The following DAPL1 variants were observed in gnomAD, a reference collection of about 807,000 sequenced individuals.
DAPL1 encodes death-associated protein-like 1.
Under a neutral mutation model 12.9 loss-of-function variants are expected in DAPL1, and 17 were observed. The ratio of observed to expected loss-of-function variants is 1.32; its 90% CI spans 0.90 to 1.98. The LOEUF is 1.98. Ranked by LOEUF, DAPL1 falls within the 30% of genes most tolerant of loss-of-function variation. DAPL1 has a pLI of 0.00. For synonymous variants in DAPL1, 51 were observed against 42.0 expected (o/e 1.21, Z -0.82); for missense variants, 157 against 125.7 (o/e 1.25, Z -1.19).
chr2:158,815,400 A>T (rs1340869655), intron 3 of DAPL1, among the ~76,000 whole-genome samples: 4 of 152,234 alleles, frequency 2.6e-5, no homozygotes, highest in Non-Finnish European at 5.9e-5. Flanking sequence ...TCATAGATGC[A>T]TACTAGTGCC....
At chr2:158,813,922 G>A (rs976762053) in intron 3 of DAPL1, among the ~76,000 whole-genome samples, 1 of 151,926 alleles carries the variant, frequency 6.6e-6, no homozygotes, top group African/African-American at 2.4e-5. Flanking sequence ...CAATCAACAT[G>A]TGGCTTTCTT....
At chr2:158,800,244 G>A (rs1399872555) in intron 1 of DAPL1, among the ~76,000 whole-genome samples, 1 of 151,948 alleles carries the variant, frequency 6.6e-6, no homozygotes, top group Non-Finnish European at 1.5e-5. Context: ...GTTCTCCTAA[G>A]GTATTCATGA....
chr2:158,797,653 G>T (rs528752976), intron 1 of DAPL1, among the ~76,000 whole-genome samples: 39 of 151,990 alleles, frequency 2.6e-4, no homozygotes, highest in Non-Finnish European at 4.4e-4. Flanking sequence ...TTAGCCGGGC[G>T]TGGGGCATGT....
chr2:158,802,923 G>A (rs992002502), intron 1 of DAPL1, among the ~76,000 whole-genome samples: 5 of 152,148 alleles, frequency 3.3e-5, no homozygotes, highest in African/African-American at 1.2e-4. Context: ...TCCAACATTA[G>A]GGAACTGGTT....
chr2:158,813,446 G>A (rs1194354652), intron 3 of DAPL1, among the ~76,000 whole-genome samples: 2 of 151,994 alleles, frequency 1.3e-5, no homozygotes, highest in African/African-American at 2.4e-5. Flanking sequence ...AAACGATGTA[G>A]CCTCTAAATT....
intron 3 of DAPL1, among the ~76,000 whole-genome samples, chr2:158,808,808 C>A (rs2059215199): frequency 6.6e-6 from 1 of 152,142 alleles, no homozygotes. Context: ...TAGACATGTT[C>A]CCCTAAAATA....
chr2:158,802,148 T>G (rs1287562153), intron 1 of DAPL1, among the ~76,000 whole-genome samples: 1 of 152,262 alleles, frequency 6.6e-6, no homozygotes, highest in Admixed American at 6.5e-5. Context: ...ACTGTCATCA[T>G]GGCTGGTGAG....
chr2:158,808,711 A>G (rs147403675), intron 3 of DAPL1, among the ~76,000 whole-genome samples: 1,642 of 152,218 alleles, frequency 0.011, 18 homozygotes, highest in Middle Eastern at 0.041. Context: ...GCCTGCTCCC[A>G]CATCTTATAT....
chr2:158,810,994 C>A, intron 3 of DAPL1, among the ~76,000 whole-genome samples: 1 of 152,128 alleles, frequency 6.6e-6, no homozygotes, highest in Admixed American at 6.6e-5. Context: ...ATGATACTGC[C>A]AAATATATTA....
At chr2:158,812,610 A>G (rs573865566) in intron 3 of DAPL1, among the ~76,000 whole-genome samples, 7 of 152,284 alleles carry the variant, frequency 4.6e-5, no homozygotes, top group African/African-American at 1.7e-4. Flanking sequence ...CCTGGGCAAC[A>G]TAGAAAGACC....
chr2:158,810,076 G>T (rs1367340354), intron 3 of DAPL1, among the ~76,000 whole-genome samples: 1 of 152,150 alleles, frequency 6.6e-6, no homozygotes, highest in Non-Finnish European at 1.5e-5. Context: ...GTATGTACTT[G>T]TCAAGACTCA....
In DAPL1 at chr2:158,814,620, G is replaced by T. The variant is rs552125065; in HGVS notation, c.208-1085G>T. ...CATTTCGTATGAAAGGGACTGCTGA[G>T]TGCCTAGGGCCTGGGCAGAGACATT... On this transcript the variant is annotated intron_variant, in intron 3 of 3. Coordinates refer to ENST00000309950, the MANE Select transcript of DAPL1 (RefSeq NM_001017920.3). Among the ~76,000 whole-genome samples, 3 of 152,322 alleles carry T rather than the reference G, an allele frequency of 2.0e-5. No individual in the cohort carries two copies. The East Asian group carries it at 5.8e-4, about 29-fold the overall frequency.
At chr2:158,800,756 C>A (rs1458759432) in intron 1 of DAPL1, among the ~76,000 whole-genome samples, 2 of 152,208 alleles carry the variant, frequency 1.3e-5, no homozygotes, top group African/African-American at 4.8e-5. Flanking sequence ...GCATGCCTGC[C>A]TTCACTCTGG....
chr2:158,800,431 T>G (rs2059160979), intron 1 of DAPL1, among the ~76,000 whole-genome samples: 3 of 152,142 alleles, frequency 2.0e-5, no homozygotes, highest in Admixed American at 1.3e-4. Flanking sequence ...AAAATAAATA[T>G]AAATAATAAT....
At chr2:158,804,476 C>A (rs2059188660) in intron 2 of DAPL1, 107 bp downstream of exon 2, 6 of 726,420 alleles carry the variant, frequency 8.3e-6, no homozygotes, top group South Asian at 4.8e-5. Context: ...TGGAGGCAGC[C>A]AGAGAAGGGG....
chr2:158,807,442 TGGA>T (rs2059208896), intron 3 of DAPL1, among the ~76,000 whole-genome samples: 1 of 152,196 alleles, frequency 6.6e-6, no homozygotes, highest in South Asian at 2.1e-4. Flanking sequence ...AGGCAGCCTG[TGGA>T]GTGGGGCTTC....
chr2:158,804,999 C>T (rs11679019), intron 2 of DAPL1, among the ~76,000 whole-genome samples: 31,208 of 152,088 alleles, frequency 0.21, 4,254 homozygotes, highest in Non-Finnish European at 0.31. Context: ...GTAAGGAAAA[C>T]CAGAGCATTC....
At position 158,804,359 on chromosome 2, in the gene DAPL1, G is replaced by A. The variant is rs374568975; in HGVS notation, c.136G>A (p.Glu46Lys). 1.9e-4 allele frequency: 301 copies of A among 1,608,182 alleles called. No individual in the cohort carries two copies. Among genetic ancestry groups the A allele is most frequent in the Non-Finnish European group, 2.4e-4 (288 of 1,176,696 alleles). The stretch of plus-strand genomic sequence containing the variant: ...AAGACATACCAAAAAAACAGGATTC[G>A]AGAAAACAAGGTAGGGACTCTTAAT... The part of the protein sequence containing the change: ...LERHTKKTGF[E>K]KTSAIANVAK... Residue 46 changes from glutamate (E) to lysine (K), a missense_variant, in exon 2 of 4, where the codon GAG becomes AAG. Coordinates refer to ENST00000309950, the MANE Select transcript of DAPL1 (RefSeq NM_001017920.3).
chr2:158,800,983 C>T (rs2059164419), intron 1 of DAPL1, among the ~76,000 whole-genome samples: 1 of 152,130 alleles, frequency 6.6e-6, no homozygotes, highest in Admixed American at 6.6e-5. Flanking sequence ...GCTGGGACTA[C>T]CGGCAATCGC....
Sources: gnomAD v4.1 joint callset for allele counts (sites outside exome capture counted in the v4.1 genomes callset) on GRCh38, gnomAD v4.1.1 for gene constraint, MANE v1.5 for transcripts, NCBI Gene and HGNC (gene_info 2026-07-23, HGNC 2026-07-21) for gene names.